KIAA2012: variants seen among roughly 807,000 people sequenced by gnomAD.
KIAA2012 encodes uncharacterized protein KIAA2012.
In KIAA2012, 125 loss-of-function variants were observed where a neutral mutation model predicts 150.6. The observed-to-expected ratio is 0.83, with a 90% CI of 0.72 to 0.96. The LOEUF is 0.96. Ranked by LOEUF, KIAA2012 falls within the 40% of genes least tolerant of loss-of-function variation. The probability of loss-of-function intolerance (pLI) is 0.00; values close to 1 mark genes in which losing one functional copy is unlikely to be tolerated. For missense variants in KIAA2012, 1,219 were observed against 1,354.9 expected (o/e 0.90, Z 1.57); for synonymous variants, 462 against 504.7 (o/e 0.92, Z 1.13).
intron 9 of KIAA2012, among the ~76,000 whole-genome samples, chr2:202,106,833 A>G (rs1690208382): frequency 6.6e-6 from 1 of 152,214 alleles, no homozygotes. Context: ...GGAAGTAACA[A>G]GCCATATTTA....
chr2:202,138,593 A>G, intron 13 of KIAA2012, 85 bp downstream of exon 13: 1 of 963,314 alleles, frequency 1.0e-6, no homozygotes. Context: ...CCCCTCAGTG[A>G]GACTCTTTAC....
chr2:202,123,346 C>G (rs1690701719), intron 11 of KIAA2012, among the ~76,000 whole-genome samples: 1 of 152,226 alleles, frequency 6.6e-6, no homozygotes, highest in Non-Finnish European at 1.5e-5. Flanking sequence ...ATTTATCTCT[C>G]TCCGTTTAAT....
chr2:202,170,674 C>T (rs904816578), intron 15 of KIAA2012, among the ~76,000 whole-genome samples: 1 of 152,166 alleles, frequency 6.6e-6, no homozygotes, highest in Non-Finnish European at 1.5e-5. Flanking sequence ...TGATCCAGAC[C>T]GGGGCAGAAA....
At chr2:202,121,102 T>C (rs1183390749) in intron 11 of KIAA2012, among the ~76,000 whole-genome samples, 1 of 152,216 alleles carries the variant, frequency 6.6e-6, no homozygotes, top group Admixed American at 6.5e-5. Context: ...CTCGTTCTCC[T>C]TGGACTTGGT....
At chr2:202,162,280 T>C (rs1010215526) in intron 14 of KIAA2012, among the ~76,000 whole-genome samples, 2 of 152,134 alleles carry the variant, frequency 1.3e-5, no homozygotes, top group Non-Finnish European at 2.9e-5. Flanking sequence ...GTTTGTTTGC[T>C]TGTTTGTTTT....
At chr2:202,082,556 A>G (rs1689474803) in intron 2 of KIAA2012, among the ~76,000 whole-genome samples, 1 of 151,878 alleles carries the variant, frequency 6.6e-6, no homozygotes, top group Admixed American at 6.6e-5. Flanking sequence ...AGATCGTGCC[A>G]CTGTACTCCA....
At chr2:202,159,138 C>G (rs1014056072) in intron 14 of KIAA2012, among the ~76,000 whole-genome samples, 15 of 152,256 alleles carry the variant, frequency 9.9e-5, no homozygotes, top group Middle Eastern at 6.8e-3. Flanking sequence ...AAGGGGGCTG[C>G]CCCGAAACCT....
At chr2:202,160,313 CTTT>C (rs774846619) in intron 14 of KIAA2012, among the ~76,000 whole-genome samples, 2 of 122,190 alleles carry the variant, frequency 1.6e-5, no homozygotes, top group Non-Finnish European at 1.7e-5. Flanking sequence ...TTCATAAGGT[CTTT>C]TTTTTTTTTT....
intron 2 of KIAA2012, 147 bp downstream of exon 2, chr2:202,075,322 G>C (rs770110521): frequency 3.2e-6 from 3 of 940,500 alleles, no homozygotes; most frequent in Non-Finnish European, 1.5e-6. Flanking sequence ...GAGATTGACT[G>C]TACTCTTAGC....
chr2:202,173,308 G>A (rs6435131), intron 15 of KIAA2012, among the ~76,000 whole-genome samples: 3,619 of 152,290 alleles, frequency 0.024, 65 homozygotes, highest in Middle Eastern at 0.044. Flanking sequence ...GGTCACTCAC[G>A]CCGGTAATCC....
chr2:202,130,065 A>C (rs1002484003), intron 12 of KIAA2012, among the ~76,000 whole-genome samples: 5 of 152,180 alleles, frequency 3.3e-5, no homozygotes, highest in African/African-American at 1.2e-4. Flanking sequence ...ACATAGATAC[A>C]TACACATGCA....
intron 14 of KIAA2012, among the ~76,000 whole-genome samples, chr2:202,162,494 C>T (rs1018449494): frequency 6.6e-6 from 1 of 151,262 alleles, no homozygotes; most frequent in South Asian, 2.1e-4. Context: ...AGGCTGGTCT[C>T]GAACTCCTGA....
intron 13 of KIAA2012, among the ~76,000 whole-genome samples, chr2:202,147,348 T>C (rs1336816020): frequency 6.6e-6 from 1 of 152,136 alleles, no homozygotes; most frequent in African/African-American, 2.4e-5. Flanking sequence ...GGCGCACAGC[T>C]GAAGGTCTAG....
At position 202,076,342 on chromosome 2, in the gene KIAA2012, T is replaced by C. The variant is rs188850017; in HGVS notation, c.369+1167T>C. Among the ~76,000 whole-genome samples, 274 of 152,300 alleles carry C rather than the reference T, an allele frequency of 1.8e-3. 1 individual carries two copies. Among genetic ancestry groups the C allele is most frequent in the Middle Eastern group, 6.8e-3 (2 of 294 alleles). ...ACTTGGTCATGCATGATATTTTCAA[T>C]GTTTCTTAGATCATCTCCCAGAATC... On this transcript the variant is annotated intron_variant, in intron 2 of 23. Transcript: ENST00000498697.
At chr2:202,171,663 C>T (rs970847982) in intron 15 of KIAA2012, among the ~76,000 whole-genome samples, 6 of 152,060 alleles carry the variant, frequency 3.9e-5, no homozygotes, top group Non-Finnish European at 8.8e-5. Flanking sequence ...GAGATGGAGA[C>T]TGGCAGAGCT....
chr2:202,196,645 G>T (rs1352510981), intron 21 of KIAA2012, among the ~76,000 whole-genome samples, 155 bp from the exon 22 acceptor site: 1 of 152,014 alleles, frequency 6.6e-6, no homozygotes, highest in Non-Finnish European at 1.5e-5. Flanking sequence ...AATCCCCAAG[G>T]TACTCCCCAG....
At chr2:202,081,527 GTT>G (rs1689450934) in intron 2 of KIAA2012, among the ~76,000 whole-genome samples, 1 of 140,766 alleles carries the variant, frequency 7.1e-6, no homozygotes, top group African/African-American at 2.6e-5. Context: ...GTTACTTTCT[GTT>G]TTCTTTTTAA....
chr2:202,150,974 C>T (rs943079064), intron 13 of KIAA2012, among the ~76,000 whole-genome samples: 1 of 152,158 alleles, frequency 6.6e-6, no homozygotes, highest in Non-Finnish European at 1.5e-5. Flanking sequence ...GTTTTGATTG[C>T]TCTGCCACTC....
Position 202,180,228 on chromosome 2 carries a change from G to A in KIAA2012, c.2120-4525G>A, listed in dbSNP as rs781602269. Among the ~76,000 whole-genome samples, 3 of 136,806 alleles carry A rather than the reference G, an allele frequency of 2.2e-5. No homozygotes were observed. In the East Asian group the frequency reaches 6.4e-4, roughly 29 times the overall value. The allele number at this position is 136,806 out of a possible 152,430, so 89.8% of individuals were successfully genotyped here. On this transcript the variant is annotated intron_variant, in intron 15 of 23. Coordinates refer to ENST00000498697, the MANE Select transcript of KIAA2012 (RefSeq NM_001277372.4). ...GGAGGTTGCGGAGAGCCGAGATCGC[G>A]ACATTGCAGTCCAGCCTAGGCCAAA...
Sources: gnomAD v4.1 joint callset for allele counts (sites outside exome capture counted in the v4.1 genomes callset) on GRCh38, gnomAD v4.1.1 for gene constraint, MANE v1.5 for transcripts, NCBI Gene and HGNC (gene_info 2026-07-23, HGNC 2026-07-21) for gene names.